Variants in GBE1 observed in about 807,000 individuals in gnomAD.
GBE1 encodes 1,4-alpha-glucan-branching enzyme.
A neutral mutation model predicts 88.8 loss-of-function variants in GBE1; 70 were observed. That is an observed-to-expected ratio of 0.79 (90% CI 0.65 to 0.96). GBE1 has a LOEUF of 0.96. Ranked by LOEUF, GBE1 falls within the 40% of genes least tolerant of loss-of-function variation. GBE1 has a pLI of 0.00. For synonymous variants in GBE1, 284 were observed against 300.1 expected (o/e 0.95, Z 0.56); for missense variants, 872 against 871.0 (o/e 1.00, Z -0.01).
chr3:81,742,630 T>C (rs971138123), intron 1 of GBE1, among the ~76,000 whole-genome samples: 5 of 152,118 alleles, frequency 3.3e-5, no homozygotes, highest in African/African-American at 4.8e-5. Context: ...CCAGGAATGA[T>C]AGAAATTACT....
intron 14 of GBE1, among the ~76,000 whole-genome samples, chr3:81,527,190 C>T (rs1480974608): frequency 6.6e-6 from 1 of 152,126 alleles, no homozygotes; most frequent in Non-Finnish European, 1.5e-5. Context: ...AAACTAGATC[C>T]CTTCCTTACG....
In GBE1 at chr3:81,555,909, C is replaced by A. The variant is rs1471827220; in HGVS notation, c.1619-18814G>T. Among the ~76,000 whole-genome samples, 5 of 152,162 alleles carry A rather than the reference C, an allele frequency of 3.3e-5. No individual in the cohort carries two copies. The East Asian group carries it at 9.6e-4, about 29-fold the overall frequency. Reference sequence around the variant, plus strand: ...GCTCCTTGTCTTCTTCAACGACACACAAACAGGGTTGTTATGTGAAAATTA... The same window carrying A: ...GCTCCTTGTCTTCTTCAACGACACAAAAACAGGGTTGTTATGTGAAAATTA... On this transcript the variant is annotated intron_variant, in intron 12 of 15. Coordinates refer to ENST00000429644, the MANE Select transcript of GBE1 (RefSeq NM_000158.4).
chr3:81,621,618 C>T (rs374616301), intron 7 of GBE1, among the ~76,000 whole-genome samples: 52 of 152,280 alleles, frequency 3.4e-4, no homozygotes, highest in African/African-American at 8.9e-4. Context: ...TATCCTTCTT[C>T]GGCTGTCCTG....
At chr3:81,749,005 C>CAAA (rs34051030) in intron 1 of GBE1, among the ~76,000 whole-genome samples, 11 of 108,076 alleles carry the variant, frequency 1.0e-4, no homozygotes, top group East Asian at 2.2e-4. Context: ...GACTCTGTCT[C>CAAA]AAAAAAAAAA....
At chr3:81,751,861 A>G (rs1177668098) in intron 1 of GBE1, among the ~76,000 whole-genome samples, 2 of 152,226 alleles carry the variant, frequency 1.3e-5, no homozygotes, top group African/African-American at 4.8e-5. Flanking sequence ...ATAATTAAAT[A>G]TAACCTGTGG....
intron 2 of GBE1, among the ~76,000 whole-genome samples, chr3:81,692,622 A>C (rs1486920460): frequency 6.6e-6 from 1 of 152,228 alleles, no homozygotes; most frequent in East Asian, 1.9e-4. Flanking sequence ...GTTATAAAAT[A>C]GTTTCAGAAA....
chr3:81,581,418 G>C, intron 10 of GBE1, 143 bp from the exon 11 acceptor site: 1 of 567,548 alleles, frequency 1.8e-6, no homozygotes, highest in Non-Finnish European at 3.0e-6. Context: ...AGTTATCACT[G>C]TTTAAACTTT....
chr3:81,754,587 T>C (rs1706577044), intron 1 of GBE1, among the ~76,000 whole-genome samples: 1 of 148,874 alleles, frequency 6.7e-6, no homozygotes, highest in Non-Finnish European at 1.5e-5. Context: ...ATTACAAAGC[T>C]ATAGAAACCA....
In GBE1 at chr3:81,702,536, T is replaced by C. The variant is rs559485646; in HGVS notation, c.313+2908A>G. 4.6e-5 allele frequency among the ~76,000 whole-genome samples: 7 copies of C among 152,164 alleles called. No homozygotes were observed. The South Asian group carries it at 1.4e-3, about 32-fold the overall frequency. The stretch of plus-strand genomic sequence containing the variant: ...CACAATTTCATTTACTGTAGTCTTT[T>C]CTTATCTCTTCAATAAAAATAAAGG... On this transcript the variant is annotated intron_variant, in intron 2 of 15. Coordinates refer to ENST00000429644, the MANE Select transcript of GBE1 (RefSeq NM_000158.4).
intron 1 of GBE1, among the ~76,000 whole-genome samples, chr3:81,707,862 A>G (rs1012205769): frequency 6.6e-6 from 1 of 152,022 alleles, no homozygotes; most frequent in Non-Finnish European, 1.5e-5. Context: ...TAGTATTTCT[A>G]TCAAGCATTT....
intron 7 of GBE1, among the ~76,000 whole-genome samples, chr3:81,598,255 T>C (rs1175207591): frequency 1.3e-5 from 2 of 151,952 alleles, no homozygotes; most frequent in Non-Finnish European, 2.9e-5. Context: ...GAAAAAATGA[T>C]GTTCCTCTTA....
At chr3:81,675,240 AATAAT>A (rs1481726989) in intron 2 of GBE1, among the ~76,000 whole-genome samples, 9 of 152,080 alleles carry the variant, frequency 5.9e-5, no homozygotes, top group African/African-American at 2.2e-4. Flanking sequence ...AAGGCTATCA[AATAAT>A]ATAATATATC....
At chr3:81,632,601 G>C (rs1284145455) in intron 7 of GBE1, among the ~76,000 whole-genome samples, 2 of 152,158 alleles carry the variant, frequency 1.3e-5, no homozygotes. Context: ...CTTTTACACT[G>C]TTGGTGGGGG....
intron 14 of GBE1, among the ~76,000 whole-genome samples, chr3:81,502,765 CACACATATGT>C (rs1702606661): frequency 6.6e-6 from 1 of 152,164 alleles, no homozygotes; most frequent in African/African-American, 2.4e-5. Context: ...CACACAGATG[CACACATATGT>C]ACATACATGA....
intron 7 of GBE1, among the ~76,000 whole-genome samples, chr3:81,609,894 A>G (rs1704156770): frequency 6.6e-6 from 1 of 152,202 alleles, no homozygotes; most frequent in Admixed American, 6.5e-5. Context: ...TTTGGCACTC[A>G]GACTTGTTAC....
At chr3:81,632,820 T>C (rs981218040) in intron 7 of GBE1, among the ~76,000 whole-genome samples, 5 of 152,210 alleles carry the variant, frequency 3.3e-5, no homozygotes, top group Non-Finnish European at 2.9e-5. Context: ...ATTATTATAC[T>C]ATACTGCAGT....
intron 7 of GBE1, among the ~76,000 whole-genome samples, chr3:81,596,716 G>A (rs1703961287): frequency 6.6e-6 from 1 of 151,746 alleles, no homozygotes; most frequent in Non-Finnish European, 1.5e-5. Flanking sequence ...AAAATCAAGT[G>A]GAAGATTCTC....
chr3:81,652,095 T>C (rs1469052322), intron 3 of GBE1, among the ~76,000 whole-genome samples: 2 of 152,212 alleles, frequency 1.3e-5, no homozygotes, highest in Non-Finnish European at 2.9e-5. Context: ...CCTTCAAGGA[T>C]AACATAATGA....
chr3:81,642,932 T>TA lies in GBE1; in HGVS notation c.840dup (p.Ile281TyrfsTer24). The TA allele has an allele frequency of 6.2e-7, 1 of 1,613,164 alleles. No individual in the cohort carries two copies. Among genetic ancestry groups the TA allele is most frequent in the Non-Finnish European group, 8.5e-7 (1 of 1,179,380 alleles). On this transcript the variant is annotated frameshift_variant, in exon 7 of 16. Coordinates refer to ENST00000429644, the MANE Select transcript of GBE1 (RefSeq NM_000158.4). LOFTEE classifies it high-confidence loss of function. ...TGTACCACATCTAAGAGGACTATGA[T>TA]ACCCATGGAATGAGCTGTGTCTACC... is the stretch of plus-strand genomic sequence containing the variant.
Sources: gnomAD v4.1 joint callset for allele counts (sites outside exome capture counted in the v4.1 genomes callset) on GRCh38, gnomAD v4.1.1 for gene constraint, MANE v1.5 for transcripts, NCBI Gene and HGNC (gene_info 2026-07-23, HGNC 2026-07-21) for gene names.